The following AIG1 variants were observed in gnomAD, a reference collection of about 807,000 sequenced individuals.
The protein encoded by AIG1 is androgen-induced gene 1 protein.
A neutral mutation model predicts 31.4 loss-of-function variants in AIG1; 23 were observed. That is an observed-to-expected ratio of 0.73 (90% CI 0.53 to 1.04). The LOEUF (loss-of-function observed/expected upper bound fraction) is 1.04, where lower values mean the gene tolerates loss of function less well. Among genes scored for constraint, AIG1 ranks in the 50% least tolerant of loss-of-function variants. AIG1 has a pLI of 0.00. For synonymous variants in AIG1, 100 were observed against 110.5 expected (o/e 0.90, Z 0.60); for missense variants, 274 against 295.0 (o/e 0.93, Z 0.52).
At chr6:143,285,740 A>G (rs1005755866) in intron 4 of AIG1, among the ~76,000 whole-genome samples, 2 of 152,076 alleles carry the variant, frequency 1.3e-5, no homozygotes, top group Non-Finnish European at 2.9e-5. Context: ...TGTTTTCCTA[A>G]TTACTTTCTA....
At chr6:143,172,278 G>A (rs1583409644) in intron 3 of AIG1, among the ~76,000 whole-genome samples, 2 of 152,234 alleles carry the variant, frequency 1.3e-5, no homozygotes, top group South Asian at 2.1e-4. Context: ...GTCTAGAAGG[G>A]TTTTGCTGAT....
intron 3 of AIG1, among the ~76,000 whole-genome samples, chr6:143,272,121 T>C (rs1796566210): frequency 6.6e-6 from 1 of 152,220 alleles, no homozygotes; most frequent in Non-Finnish European, 1.5e-5. Context: ...ATACTATTTC[T>C]ATTTGATTAT....
chr6:143,107,673 C>CAT lies in AIG1; in HGVS notation c.142-29161_142-29160insTA, dbSNP rs202194697. The stretch of plus-strand genomic sequence containing the variant: ...AAAGAGGCTGACTGGAATGAGATGA[C>CAT]ACAGGACAGGAAAGAGGGGAAGAAT... On this transcript the variant is annotated intron_variant, in intron 1 of 5. Transcript: ENST00000357847. Among the ~76,000 whole-genome samples, 950 of 152,198 alleles carry CAT rather than the reference C, an allele frequency of 6.2e-3. 7 individuals are homozygous for CAT. The highest frequency in any genetic ancestry group is 0.022 in the African/African-American group (927 of 41,518).
intron 3 of AIG1, among the ~76,000 whole-genome samples, chr6:143,167,384 C>T (rs1196507424): frequency 2.0e-5 from 3 of 152,164 alleles, no homozygotes; most frequent in East Asian, 1.9e-4. Flanking sequence ...GTTGCTGCCT[C>T]CAGTTGAATG....
chr6:143,107,079 C>A (rs1344139088), intron 1 of AIG1, among the ~76,000 whole-genome samples: 1 of 152,102 alleles, frequency 6.6e-6, no homozygotes, highest in African/African-American at 2.4e-5. Flanking sequence ...ATCAGTTCTT[C>A]GTCTCCCTAA....
In AIG1 at chr6:143,153,811, G is replaced by T. The variant is rs144749008; in HGVS notation, c.298-11271G>T. ...CTAGAATGATTAACCACATTTACTCGCCAAAACTTGAGTTCTGACTATATG... is the reference window on the plus strand; with the variant it reads ...CTAGAATGATTAACCACATTTACTCTCCAAAACTTGAGTTCTGACTATATG... On this transcript the variant is annotated intron_variant, in intron 2 of 5. Coordinates refer to ENST00000357847, the MANE Select transcript of AIG1 (RefSeq NM_016108.4). 2.7e-4 allele frequency among the ~76,000 whole-genome samples: 41 copies of T among 151,950 alleles called. No homozygotes were observed. The South Asian group carries it at 4.8e-3, about 18-fold the overall frequency.
chr6:143,222,425 C>T (rs1002700115), intron 3 of AIG1, among the ~76,000 whole-genome samples: 2 of 151,766 alleles, frequency 1.3e-5, no homozygotes, highest in South Asian at 4.2e-4. Flanking sequence ...TATGTCAATT[C>T]GTTCTGATTC....
intron 3 of AIG1, among the ~76,000 whole-genome samples, chr6:143,275,155 G>A (rs1796808404): frequency 6.6e-6 from 1 of 152,166 alleles, no homozygotes; most frequent in Non-Finnish European, 1.5e-5. Flanking sequence ...AAAAAGAAGA[G>A]TAGAAAGGGG....
At chr6:143,194,797 C>A (rs1790090253) in intron 3 of AIG1, among the ~76,000 whole-genome samples, 1 of 152,146 alleles carries the variant, frequency 6.6e-6, no homozygotes, top group African/African-American at 2.4e-5. Flanking sequence ...CGATGCTGTC[C>A]CGCAGCAGCA....
Position 143,284,031 on chromosome 6 carries a change from C to A in AIG1, c.400-79C>A. On this transcript the variant is annotated intron_variant, in intron 3 of 5. Transcript: ENST00000357847. The surrounding 1 kb of genome is among the most constrained non-coding windows in gnomAD (Gnocchi z 4.4). ...CACTTTCCTAGGAATTTATAGTGTGCATTCTCCTACTGGTGAAAAAACAAC... is the reference window on the plus strand; with the variant it reads ...CACTTTCCTAGGAATTTATAGTGTGAATTCTCCTACTGGTGAAAAAACAAC... The A allele has an allele frequency of 1.0e-6, 1 of 973,078 alleles. No individual in the cohort carries two copies. Among genetic ancestry groups the A allele is most frequent in the Non-Finnish European group, 1.6e-6 (1 of 629,410 alleles). The allele number at this position is 973,078 out of a possible 1,614,324, so 60.3% of individuals were successfully genotyped here. A position where few individuals can be genotyped will look rare whatever the true frequency, so the allele number is the denominator to read the frequency against.
chr6:143,085,083 G>A (rs982155815), intron 1 of AIG1, among the ~76,000 whole-genome samples: 1 of 152,130 alleles, frequency 6.6e-6, no homozygotes, highest in African/African-American at 2.4e-5. Flanking sequence ...CCTAACCCTT[G>A]TAAAACATCA....
intron 3 of AIG1, among the ~76,000 whole-genome samples, chr6:143,241,715 A>C (rs1235246294): frequency 6.6e-6 from 1 of 152,218 alleles, no homozygotes; most frequent in Non-Finnish European, 1.5e-5. Flanking sequence ...GCATTTAAGC[A>C]ATGCAAGTCG....
intron 1 of AIG1, among the ~76,000 whole-genome samples, chr6:143,134,184 C>T (rs1024157787): frequency 6.6e-6 from 1 of 151,932 alleles, no homozygotes. Flanking sequence ...AAATAACCAA[C>T]TTAAGAAATA....
chr6:143,103,248 G>C (rs1174659462), intron 1 of AIG1, among the ~76,000 whole-genome samples: 1 of 152,158 alleles, frequency 6.6e-6, no homozygotes, highest in African/African-American at 2.4e-5. Flanking sequence ...GAAGTATAGT[G>C]AAAGAGGCAT....
chr6:143,337,646 G>GA (rs1777600716), intron 5 of AIG1, among the ~76,000 whole-genome samples: 1 of 152,204 alleles, frequency 6.6e-6, no homozygotes, highest in Admixed American at 6.5e-5. Flanking sequence ...TGAGGACAGA[G>GA]AAAGTAGGCA....
At chr6:143,240,358 T>C (rs1378088439) in intron 3 of AIG1, among the ~76,000 whole-genome samples, 1 of 152,262 alleles carries the variant, frequency 6.6e-6, no homozygotes, top group Non-Finnish European at 1.5e-5. Context: ...AAATTAAGTA[T>C]AACTTTTATA....
Position 143,328,455 on chromosome 6 carries a change from A to G in AIG1, c.516-4827A>G, listed in dbSNP as rs1200507361. On this transcript the variant is annotated intron_variant, in intron 4 of 5. Coordinates refer to ENST00000357847, the MANE Select transcript of AIG1 (RefSeq NM_016108.4). This position sits in a 1 kb window ranked among gnomAD's most constrained non-coding sequence, Gnocchi z 4.0. The stretch of plus-strand genomic sequence containing the variant: ...AGACTAAAGGCAAGTGGGAGGTTTA[A>G]AAAAAGTTGGGGAATAATCCCTGTG... 6.6e-6 allele frequency among the ~76,000 whole-genome samples: 1 copy of G among 152,188 alleles called. No homozygotes were observed. Among genetic ancestry groups the G allele is most frequent in the East Asian group, 1.9e-4 (1 of 5,196 alleles).
At chr6:143,094,522 G>A (rs1263863467) in intron 1 of AIG1, among the ~76,000 whole-genome samples, 2 of 152,112 alleles carry the variant, frequency 1.3e-5, no homozygotes, top group Non-Finnish European at 2.9e-5. Flanking sequence ...GTGAGTAGGG[G>A]AAAATACCTT....
At chr6:143,343,298 G>T (rs556877625), downstream of AIG1, 3 of 622,668 alleles carry the variant, frequency 4.8e-6, no homozygotes, top group African/African-American at 3.6e-5. Flanking sequence ...CTCATGAACT[G>T]ATTTGGAAGA....
Sources: allele counts gnomAD v4.1 joint callset (sites outside exome capture counted in the v4.1 genomes callset), GRCh38; gene constraint gnomAD v4.1.1; non-coding constraint Gnocchi (gnomAD v3.1); transcripts MANE v1.5; gene names NCBI Gene and HGNC (gene_info 2026-07-23, HGNC 2026-07-21).